The following CFAP206 variants were observed in gnomAD, a reference collection of about 807,000 sequenced individuals.
CFAP206 encodes the protein cilia- and flagella-associated protein 206.
A neutral mutation model predicts 65.4 loss-of-function variants in CFAP206; 53 were observed. The ratio of observed to expected loss-of-function variants is 0.81; its 90% CI spans 0.65 to 1.02. CFAP206 has a LOEUF of 1.02. CFAP206 is among the 50% of genes least tolerant of loss of function. The pLI is 0.00. For synonymous variants in CFAP206, 250 were observed against 254.4 expected, an observed-to-expected ratio of 0.98 and a Z score of 0.17; for missense variants, 663 against 753.2, an observed-to-expected ratio of 0.88 and a Z score of 1.40.
At chr6:87,450,440 A>C (rs1768519824) in intron 11 of CFAP206, among the ~76,000 whole-genome samples, 1 of 150,994 alleles carries the variant, frequency 6.6e-6, no homozygotes, top group Non-Finnish European at 1.5e-5. Flanking sequence ...ATTTCTTTAT[A>C]AATGTGTGTA....
chr6:87,434,753 C>A, intron 10 of CFAP206, 107 bp from the exon 11 acceptor site: 1 of 625,420 alleles, frequency 1.6e-6, no homozygotes, highest in Middle Eastern at 4.8e-4. Flanking sequence ...CTGCTTTGGC[C>A]TCCCAAAGTG....
Position 87,446,898 on chromosome 6 carries a change from A to G in CFAP206, c.1494+11845A>G, listed in dbSNP as rs151212429. On this transcript the variant is annotated intron_variant, in intron 11 of 12. Coordinates refer to ENST00000369562, the MANE Select transcript of CFAP206 (RefSeq NM_001031743.3). ...CAGTGGTTTATAGTTCTCCTTGAAG[A>G]GGTCCTTCACTTCCCTTGTTAGCTG... Among the ~76,000 whole-genome samples, 42 of 152,250 alleles carry G rather than the reference A, an allele frequency of 2.8e-4. No homozygotes were observed. The East Asian group carries it at 7.9e-3, about 29-fold the overall frequency.
chr6:87,414,987 A>G (rs1456937207), intron 4 of CFAP206, among the ~76,000 whole-genome samples: 1 of 152,096 alleles, frequency 6.6e-6, no homozygotes, highest in Non-Finnish European at 1.5e-5. Context: ...TGCGTGGTGG[A>G]TATGTTAATT....
chr6:87,462,535 T>C (rs1345043394), intron 12 of CFAP206, among the ~76,000 whole-genome samples: 1 of 152,186 alleles, frequency 6.6e-6, no homozygotes, highest in Non-Finnish European at 1.5e-5. Context: ...CAGTACCTCC[T>C]TGTAAGTGGT....
At chr6:87,453,728 A>G (rs1768584163) in intron 11 of CFAP206, among the ~76,000 whole-genome samples, 1 of 152,126 alleles carries the variant, frequency 6.6e-6, no homozygotes, top group Non-Finnish European at 1.5e-5. Flanking sequence ...GAATTTAAAA[A>G]CCTACAATAG....
At chr6:87,462,183 G>C (rs1358376119) in intron 12 of CFAP206, among the ~76,000 whole-genome samples, 1 of 152,180 alleles carries the variant, frequency 6.6e-6, no homozygotes, top group African/African-American at 2.4e-5. Flanking sequence ...GCAAGTCAAA[G>C]AGTTCTATTG....
intron 5 of CFAP206, among the ~76,000 whole-genome samples, 198 bp from the exon 6 acceptor site, chr6:87,416,471 A>G (rs1258364832): frequency 6.6e-6 from 1 of 152,214 alleles, no homozygotes; most frequent in Non-Finnish European, 1.5e-5. Flanking sequence ...GACATGAGGC[A>G]ATGGCATAAC....
chr6:87,451,299 A>G (rs1383187014), intron 11 of CFAP206, among the ~76,000 whole-genome samples: 1 of 152,190 alleles, frequency 6.6e-6, no homozygotes, highest in Non-Finnish European at 1.5e-5. Context: ...AAGAGTACAG[A>G]GGACTTTGTC....
At chr6:87,431,439 G>A (rs117464474) in intron 10 of CFAP206, among the ~76,000 whole-genome samples, 3,012 of 152,314 alleles carry the variant, frequency 0.02, 48 homozygotes, top group Middle Eastern at 0.041. Flanking sequence ...GAAAGGGGAT[G>A]ACTCATATGG....
At chr6:87,428,501 G>T in intron 8 of CFAP206, 125 bp from the exon 9 acceptor site, 3 of 818,126 alleles carry the variant, frequency 3.7e-6, no homozygotes, top group Non-Finnish European at 4.0e-6. Flanking sequence ...GTCTAAGTTC[G>T]TAAGACTTTT....
At chr6:87,444,221 ACC>A (rs1237417509) in intron 11 of CFAP206, among the ~76,000 whole-genome samples, 2 of 152,148 alleles carry the variant, frequency 1.3e-5, no homozygotes, top group African/African-American at 2.4e-5. Context: ...CTAATGGCAA[ACC>A]ACTGTAAAAT....
chr6:87,442,632 T>A (rs565344882), intron 11 of CFAP206, among the ~76,000 whole-genome samples: 2 of 152,170 alleles, frequency 1.3e-5, no homozygotes, highest in Admixed American at 1.3e-4. Flanking sequence ...GTGGATTTTG[T>A]TTTATTAGGT....
rs1768230098 is a variant in CFAP206 at position 87,434,940 on chromosome 6, GA to G, written c.1385del (p.Asn462IlefsTer8). 1 of 1,574,948 alleles carries G rather than the reference GA, an allele frequency of 6.3e-7. No homozygotes were observed. The highest frequency in any genetic ancestry group is 1.7e-5 in the Admixed American group (1 of 58,404). On this transcript the variant is annotated frameshift_variant, in exon 11 of 13. Coordinates refer to ENST00000369562, the MANE Select transcript of CFAP206 (RefSeq NM_001031743.3). LOFTEE classifies it high-confidence loss of function. ...NSKDAAYSFA[E>X]NPEHYIDIVR... ...TAAAGATGCTGCATATTCATTTGCA[GA>G]AAATCCTGAACATTATATTGACATA...
At chr6:87,418,531 T>G in intron 7 of CFAP206, 115 bp downstream of exon 7, 1 of 785,236 alleles carries the variant, frequency 1.3e-6, no homozygotes, top group Non-Finnish European at 2.1e-6. Flanking sequence ...AACTGCTCGG[T>G]TTATATTGCT....
chr6:87,410,539 A>G (rs376585292), intron 2 of CFAP206, 46 bp from the exon 3 acceptor site: 5 of 1,330,632 alleles, frequency 3.8e-6, no homozygotes, highest in Non-Finnish European at 5.4e-6. Flanking sequence ...AAAATTGCTT[A>G]ATGGATTCTT....
chr6:87,417,659 A>G (rs1016367288), intron 6 of CFAP206, among the ~76,000 whole-genome samples: 1 of 150,616 alleles, frequency 6.6e-6, no homozygotes, highest in African/African-American at 2.5e-5. Flanking sequence ...AACTCTGCCT[A>G]TTCTCTGAAC....
chr6:87,458,739 G>T (rs545382803), intron 11 of CFAP206, among the ~76,000 whole-genome samples: 1 of 152,080 alleles, frequency 6.6e-6, no homozygotes, highest in Non-Finnish European at 1.5e-5. Flanking sequence ...GTAAGATCTA[G>T]TATTTTATAG....
chr6:87,418,479 A>G (rs890235156), intron 7 of CFAP206, 63 bp downstream of exon 7: 2 of 1,392,552 alleles, frequency 1.4e-6, no homozygotes, highest in Admixed American at 3.4e-5. Context: ...ATAAGGCCAC[A>G]TCAGGTAGAA....
intron 12 of CFAP206, among the ~76,000 whole-genome samples, chr6:87,463,548 G>A (rs1768777588): frequency 6.6e-6 from 1 of 152,132 alleles, no homozygotes; most frequent in South Asian, 2.1e-4. Context: ...AAGGGAGTAA[G>A]CAAAATGTAG....
Sources: allele counts gnomAD v4.1 joint callset (sites outside exome capture counted in the v4.1 genomes callset), GRCh38; gene constraint gnomAD v4.1.1; transcripts MANE v1.5; gene names NCBI Gene and HGNC (gene_info 2026-07-23, HGNC 2026-07-21).